KCNH7: variants seen among roughly 807,000 people sequenced by gnomAD.
KCNH7 encodes the protein potassium voltage-gated channel subfamily H member 7.
A neutral mutation model predicts 120.8 loss-of-function variants in KCNH7; 49 were observed. The observed-to-expected ratio is 0.41, with a 90% CI of 0.32 to 0.51. The LOEUF (loss-of-function observed/expected upper bound fraction) is 0.51, where lower values mean the gene tolerates loss of function less well. Ranked by LOEUF, KCNH7 falls within the 20% of genes least tolerant of loss-of-function variation. The pLI is 0.38. For synonymous variants in KCNH7, 547 were observed against 516.1 expected (o/e 1.06, Z -0.81); for missense variants, 1,097 against 1,446.6 (o/e 0.76, Z 3.92).
At chr2:162,757,344 A>G (rs1233969596) in intron 2 of KCNH7, among the ~76,000 whole-genome samples, 1 of 152,160 alleles carries the variant, frequency 6.6e-6, no homozygotes, top group Non-Finnish European at 1.5e-5. Context: ...TTGAAAAAGC[A>G]GCTGCTTTTA....
At chr2:162,576,063 G>T (rs1693659399) in intron 2 of KCNH7, among the ~76,000 whole-genome samples, 1 of 152,000 alleles carries the variant, frequency 6.6e-6, no homozygotes, top group African/African-American at 2.4e-5. Flanking sequence ...GTCTGAATTT[G>T]GCAAAAGTGC....
At chr2:162,468,921 G>A (rs1197533390) in intron 6 of KCNH7, among the ~76,000 whole-genome samples, 2 of 151,468 alleles carry the variant, frequency 1.3e-5, no homozygotes, top group East Asian at 3.9e-4. Context: ...CATAATCATA[G>A]TTCACTGTAA....
intron 3 of KCNH7, among the ~76,000 whole-genome samples, chr2:162,519,736 A>T (rs1338662870): frequency 6.6e-6 from 1 of 151,856 alleles, no homozygotes; most frequent in Non-Finnish European, 1.5e-5. Flanking sequence ...CACATTATCC[A>T]TGGCTTTACA....
At chr2:162,775,694 T>C (rs1447264654) in intron 2 of KCNH7, among the ~76,000 whole-genome samples, 1 of 152,222 alleles carries the variant, frequency 6.6e-6, no homozygotes, top group Non-Finnish European at 1.5e-5. Context: ...TTTGACCTCC[T>C]TGATGTCCAT....
At chr2:162,612,638 T>A (rs1683008665) in intron 2 of KCNH7, among the ~76,000 whole-genome samples, 1 of 151,860 alleles carries the variant, frequency 6.6e-6, no homozygotes, top group Admixed American at 6.6e-5. Context: ...AGTCCATAAT[T>A]AAAAAATATA....
chr2:162,795,140 T>C (rs1244023627), intron 2 of KCNH7, among the ~76,000 whole-genome samples: 1 of 152,066 alleles, frequency 6.6e-6, no homozygotes, highest in East Asian at 1.9e-4. Context: ...ATTAATTAAT[T>C]GTATATTGAG....
At chr2:162,546,526 T>C (rs1160766211) in intron 2 of KCNH7, among the ~76,000 whole-genome samples, 1 of 151,982 alleles carries the variant, frequency 6.6e-6, no homozygotes, top group African/African-American at 2.4e-5. Flanking sequence ...GTGCACACGA[T>C]TGTGAAGGTC....
chr2:162,572,232 T>C (rs923014582), intron 2 of KCNH7, among the ~76,000 whole-genome samples: 18 of 151,522 alleles, frequency 1.2e-4, no homozygotes, highest in Non-Finnish European at 7.4e-5. Context: ...AAAAAGTGGG[T>C]GAAGGACATG....
intron 2 of KCNH7, among the ~76,000 whole-genome samples, chr2:162,585,813 T>C (rs571116829): frequency 1.1e-4 from 17 of 151,914 alleles, no homozygotes; most frequent in African/African-American, 3.9e-4. Context: ...AGTGTTGGAG[T>C]TGATCATGTT....
chr2:162,525,071 G>A (rs1418628765), intron 3 of KCNH7, among the ~76,000 whole-genome samples: 2 of 151,930 alleles, frequency 1.3e-5, no homozygotes, highest in East Asian at 3.9e-4. Flanking sequence ...CACTGACCTA[G>A]TAAACTTGAA....
intron 6 of KCNH7, among the ~76,000 whole-genome samples, chr2:162,501,078 A>G (rs996647926): frequency 1.3e-5 from 2 of 152,034 alleles, no homozygotes; most frequent in East Asian, 1.9e-4. Context: ...TGATCTCTAC[A>G]TTGTTTGGTT....
At chr2:162,775,669 T>C (rs933009055) in intron 2 of KCNH7, among the ~76,000 whole-genome samples, 3 of 152,222 alleles carry the variant, frequency 2.0e-5, no homozygotes, top group Admixed American at 6.5e-5. Flanking sequence ...ATTTGCATTG[T>C]GTACCAGAAA....
chr2:162,768,048 G>A (rs549631210), intron 2 of KCNH7, among the ~76,000 whole-genome samples: 25 of 152,152 alleles, frequency 1.6e-4, no homozygotes, highest in Non-Finnish European at 3.4e-4. Context: ...GAAATAAATT[G>A]ATTTGTGTTA....
At chr2:162,589,727 T>A (rs1048583422) in intron 2 of KCNH7, among the ~76,000 whole-genome samples, 3 of 151,760 alleles carry the variant, frequency 2.0e-5, no homozygotes, top group African/African-American at 7.3e-5. Flanking sequence ...GTAAAATGAG[T>A]TTCAAAATAA....
intron 2 of KCNH7, chr2:162,784,578 T>C (rs953717663): frequency 6.6e-6 from 1 of 152,196 alleles, no homozygotes; most frequent in African/African-American, 2.4e-5. Context: ...TTTTCTTTTT[T>C]TTCCCTAATT....
intron 2 of KCNH7, among the ~76,000 whole-genome samples, chr2:162,565,616 T>C (rs1261740180): frequency 1.3e-5 from 2 of 152,122 alleles, no homozygotes; most frequent in African/African-American, 4.8e-5. Context: ...GTTATCCTGA[T>C]GCTATAAAAT....
chr2:162,458,294 A>G (rs1025855830), intron 6 of KCNH7, among the ~76,000 whole-genome samples: 5 of 152,200 alleles, frequency 3.3e-5, no homozygotes, highest in Non-Finnish European at 5.9e-5. Flanking sequence ...AATAGGTTGA[A>G]TATCTTAAAC....
chr2:162,536,264 T>C lies in KCNH7; in HGVS notation c.463+661A>G, dbSNP rs559326761. 2.6e-5 allele frequency among the ~76,000 whole-genome samples: 4 copies of C among 151,964 alleles called. No individual in the cohort carries two copies. In the East Asian group the frequency reaches 7.8e-4, roughly 29 times the overall value. ...CAGCTTACATTATAAATTGACAAGA[T>C]AGAGAAAAAACAACCAATATGTATA... On this transcript the variant is annotated intron_variant, in intron 3 of 15. Transcript: ENST00000332142.
At chr2:162,794,354 C>A (rs1684060522) in intron 2 of KCNH7, among the ~76,000 whole-genome samples, 2 of 151,972 alleles carry the variant, frequency 1.3e-5, no homozygotes, top group African/African-American at 4.8e-5. Flanking sequence ...GATAACTGAG[C>A]ATGCAATCTA....
Sources: allele counts gnomAD v4.1 joint callset (sites outside exome capture counted in the v4.1 genomes callset), GRCh38; gene constraint gnomAD v4.1.1; transcripts MANE v1.5; gene names NCBI Gene and HGNC (gene_info 2026-07-23, HGNC 2026-07-21).